The following PSAT1 variants were observed in gnomAD, a reference collection of about 807,000 sequenced individuals.
The protein encoded by PSAT1 is phosphoserine aminotransferase.
Under a neutral mutation model 40.3 loss-of-function variants are expected in PSAT1, and 41 were observed. The ratio of observed to expected loss-of-function variants is 1.02; its 90% CI spans 0.79 to 1.32. PSAT1 has a LOEUF of 1.32. Among genes scored for constraint, PSAT1 ranks in the 40% most tolerant of loss-of-function variants. The pLI, the probability that PSAT1 is intolerant of heterozygous loss-of-function variation, is 0.00. For synonymous variants in PSAT1, 147 were observed against 170.5 expected, an observed-to-expected ratio of 0.86 and a Z score of 1.07; for missense variants, 406 against 455.8, an observed-to-expected ratio of 0.89 and a Z score of 0.99.
At chr9:78,327,348 A>T (rs7038086) in intron 7 of PSAT1, among the ~76,000 whole-genome samples, 65,390 of 151,694 alleles carry the variant, frequency 0.43, 16,848 homozygotes, top group African/African-American at 0.71. Flanking sequence ...TCTGTTGTAA[A>T]CTCTTGGCCA....
intron 1 of PSAT1, among the ~76,000 whole-genome samples, chr9:78,299,123 G>C (rs1277178328): frequency 1.8e-5 from 2 of 109,966 alleles, no homozygotes; most frequent in Non-Finnish European, 3.4e-5. Context: ...CTGGGTGATA[G>C]AGCAAGACCC....
chr9:78,324,436 A>G (rs1418932608), intron 7 of PSAT1, among the ~76,000 whole-genome samples: 3 of 151,920 alleles, frequency 2.0e-5, no homozygotes, highest in East Asian at 1.9e-4. Flanking sequence ...AGCTGGTTCC[A>G]TGCCCATCCA....
At chr9:78,326,583 A>T (rs1828500145) in intron 7 of PSAT1, among the ~76,000 whole-genome samples, 1 of 152,348 alleles carries the variant, frequency 6.6e-6, no homozygotes, top group South Asian at 2.1e-4. Context: ...AAAAATTTTT[A>T]AAAAGATAGA....
intron 7 of PSAT1, 94 bp downstream of exon 7, chr9:78,317,898 T>TCAA: frequency 7.1e-7 from 1 of 1,412,956 alleles, no homozygotes; most frequent in Non-Finnish European, 9.9e-7. Flanking sequence ...TATTCACCTT[T>TCAA]CTCTGAGACA....
intron 6 of PSAT1, among the ~76,000 whole-genome samples, chr9:78,310,664 G>T (rs982667847): frequency 1.3e-5 from 2 of 151,526 alleles, no homozygotes; most frequent in Non-Finnish European, 2.9e-5. Context: ...AGGCTGGAGT[G>T]CAGTGGCGTG....
intron 1 of PSAT1, among the ~76,000 whole-genome samples, chr9:78,298,794 A>C (rs11137592): frequency 5.3e-5 from 8 of 152,154 alleles, no homozygotes; most frequent in Non-Finnish European, 1.0e-4. Context: ...AATTGTAAAT[A>C]TTAGAGAAGC....
intron 6 of PSAT1, among the ~76,000 whole-genome samples, chr9:78,309,965 C>A (rs1270601740): frequency 6.6e-6 from 1 of 152,148 alleles, no homozygotes; most frequent in Non-Finnish European, 1.5e-5. Context: ...GATTAACATA[C>A]ATATAAATAA....
intron 6 of PSAT1, among the ~76,000 whole-genome samples, chr9:78,309,062 C>T (rs933567181): frequency 6.6e-6 from 1 of 152,208 alleles, no homozygotes; most frequent in Non-Finnish European, 1.5e-5. Context: ...CTATCAGATT[C>T]TCTGCCCAGC....
chr9:78,309,486 C>T lies in PSAT1; in HGVS notation c.740+903C>T, dbSNP rs563095198. Among the ~76,000 whole-genome samples, 101 of 152,338 alleles carry T rather than the reference C, an allele frequency of 6.6e-4. No individual in the cohort carries two copies. In the South Asian group the frequency reaches 0.02, roughly 31 times the overall value. ...CAAGCGATTCTCCTGCCTCAGCCTC[C>T]CGAGTAGCTGGGATTACAGGTGCGT... On this transcript the variant is annotated intron_variant, in intron 6 of 8. Transcript: ENST00000376588.
intron 1 of PSAT1, 21 bp downstream of exon 1, chr9:78,297,291 G>C: frequency 6.3e-7 from 1 of 1,589,292 alleles, no homozygotes; most frequent in Non-Finnish European, 8.5e-7. Flanking sequence ...GCGAGCGGGC[G>C]CCGGGAGTGA....
intron 6 of PSAT1, among the ~76,000 whole-genome samples, chr9:78,310,281 G>C (rs1315926121): frequency 6.6e-6 from 1 of 152,198 alleles, no homozygotes; most frequent in African/African-American, 2.4e-5. Context: ...AAGTGGCCTG[G>C]CTGGGGTGTG....
At chr9:78,323,973 G>A (rs957552886) in intron 7 of PSAT1, among the ~76,000 whole-genome samples, 1 of 152,086 alleles carries the variant, frequency 6.6e-6, no homozygotes, top group Non-Finnish European at 1.5e-5. Context: ...CTCATCTCCT[G>A]TGACTTTCTT....
intron 1 of PSAT1, 25 bp downstream of exon 1, chr9:78,297,295 G>A: frequency 6.3e-7 from 1 of 1,586,888 alleles, no homozygotes; most frequent in Admixed American, 1.7e-5. Flanking sequence ...GCGGGCGCCG[G>A]GAGTGAGGTT....
At chr9:78,311,293 G>C (rs1046109523) in intron 6 of PSAT1, among the ~76,000 whole-genome samples, 1 of 152,154 alleles carries the variant, frequency 6.6e-6, no homozygotes, top group African/African-American at 2.4e-5. Context: ...ACAGGAGGCT[G>C]TCCTTACCTG....
At chr9:78,300,766 A>G (rs1828096490) in intron 2 of PSAT1, 104 bp downstream of exon 2, 1 of 1,409,538 alleles carries the variant, frequency 7.1e-7, no homozygotes, top group Non-Finnish European at 9.1e-7. Flanking sequence ...CCCAGGCTGG[A>G]GTACAGTGGC....
chr9:78,300,466 C>G, intron 1 of PSAT1, 136 bp from the exon 2 acceptor site: 1 of 1,105,392 alleles, frequency 9.0e-7, no homozygotes, highest in Non-Finnish European at 1.2e-6. Flanking sequence ...AGGAAGGAGA[C>G]TGGCTGTGGG....
intron 1 of PSAT1, among the ~76,000 whole-genome samples, chr9:78,300,242 T>C (rs931841209): frequency 6.6e-6 from 1 of 152,190 alleles, no homozygotes; most frequent in African/African-American, 2.4e-5. Context: ...AATCTGGGCA[T>C]AATTTTTTTA....
intron 1 of PSAT1, chr9:78,298,388 C>G: frequency 4.1e-6 from 4 of 985,412 alleles, no homozygotes; most frequent in Non-Finnish European, 4.8e-6. Context: ...AGAGCCTCCT[C>G]TGTGTTGTGG....
At chr9:78,321,550 C>T (rs1244415865) in intron 7 of PSAT1, among the ~76,000 whole-genome samples, 1 of 152,162 alleles carries the variant, frequency 6.6e-6, no homozygotes, top group Non-Finnish European at 1.5e-5. Context: ...CTCCCCACTT[C>T]CATGCCCCCT....
Sources: gnomAD v4.1 joint callset for allele counts (sites outside exome capture counted in the v4.1 genomes callset) on GRCh38, gnomAD v4.1.1 for gene constraint, MANE v1.5 for transcripts, NCBI Gene and HGNC (gene_info 2026-07-23, HGNC 2026-07-21) for gene names.